IHO1: variants seen among roughly 807,000 people sequenced by gnomAD.
The protein encoded by IHO1 is interactor of HORMAD1 protein 1.
Under a neutral mutation model 31.0 loss-of-function variants are expected in IHO1, and 13 were observed. The observed-to-expected ratio is 0.42, with a 90% CI of 0.27 to 0.67. The LOEUF is 0.67. IHO1 is among the 30% of genes least tolerant of loss of function. The pLI is 0.24. For missense variants in IHO1, 599 were observed against 687.5 expected (o/e 0.87, Z 1.44); for synonymous variants, 221 against 248.4 (o/e 0.89, Z 1.04).
chr3:49,236,015 C>T (rs372409064), intron 2 of IHO1, among the ~76,000 whole-genome samples: 7 of 150,624 alleles, frequency 4.6e-5, no homozygotes, highest in African/African-American at 7.3e-5. Flanking sequence ...CTGAGATGGG[C>T]GAATCACCTG....
intron 6 of IHO1, among the ~76,000 whole-genome samples, chr3:49,252,878 C>T (rs1355388139): frequency 1.3e-5 from 2 of 151,850 alleles, no homozygotes; most frequent in East Asian, 1.9e-4. Context: ...CCTGTCTCTA[C>T]TAAAAATACA....
At chr3:49,207,232 T>C (rs2046150196) in intron 1 of IHO1, among the ~76,000 whole-genome samples, 1 of 151,622 alleles carries the variant, frequency 6.6e-6, no homozygotes, top group South Asian at 2.1e-4. Flanking sequence ...TCGGAGCATT[T>C]TTTTCTTTCT....
intron 1 of IHO1, among the ~76,000 whole-genome samples, chr3:49,200,836 A>T (rs1056833043): frequency 1.3e-5 from 2 of 152,098 alleles, no homozygotes; most frequent in African/African-American, 2.4e-5. Flanking sequence ...CTTCAAGGAG[A>T]GCTTTAGAGA....
At chr3:49,227,810 A>G (rs146840382) in intron 2 of IHO1, among the ~76,000 whole-genome samples, 1 of 152,276 alleles carries the variant, frequency 6.6e-6, no homozygotes, top group Non-Finnish European at 1.5e-5. Context: ...CCTCACTTGA[A>G]TAGGAAGGAT....
chr3:49,230,547 C>T (rs976355634), intron 2 of IHO1, among the ~76,000 whole-genome samples: 3 of 152,128 alleles, frequency 2.0e-5, no homozygotes, highest in Non-Finnish European at 2.9e-5. Context: ...GCAATTGAAC[C>T]TACTTGTAAA....
At chr3:49,244,517 T>G in intron 5 of IHO1, 65 bp downstream of exon 5, 1 of 1,298,360 alleles carries the variant, frequency 7.7e-7, no homozygotes, top group Non-Finnish European at 1.1e-6. Context: ...ATATTTATAT[T>G]GTATTGGCTT....
In IHO1 at chr3:49,210,026, TTTC is replaced by T. The variant is rs1284923723; in HGVS notation, c.-15-1737_-15-1735del. 1.8e-3 allele frequency among the ~76,000 whole-genome samples: 272 copies of T among 148,694 alleles called. 7 individuals are homozygous for T. The highest frequency in any genetic ancestry group is 6.6e-3 in the African/African-American group (262 of 39,646). ...CCACCGCACCCAGCCTCTTTCTTTC[TTTC>T]TTTTTTTTTTTTTTTAAGAGACAGG... On this transcript the variant is annotated intron_variant, in intron 1 of 7. Transcript: ENST00000452691.
chr3:49,229,878 C>T (rs573626384), intron 2 of IHO1, among the ~76,000 whole-genome samples: 27 of 152,140 alleles, frequency 1.8e-4, no homozygotes, highest in East Asian at 5.8e-4. Context: ...TTTATTACAA[C>T]GATGGGGAGC....
intron 2 of IHO1, among the ~76,000 whole-genome samples, chr3:49,214,918 GCATGAGACACCACGC>G (rs1247078714): frequency 1.3e-5 from 2 of 151,672 alleles, no homozygotes; most frequent in Non-Finnish European, 2.9e-5. Flanking sequence ...GGGATTACAG[GCATGAGACACCACGC>G]CCAGCAAATC....
chr3:49,216,774 A>G (rs2046291711), intron 2 of IHO1, among the ~76,000 whole-genome samples: 1 of 152,248 alleles, frequency 6.6e-6, no homozygotes, highest in African/African-American at 2.4e-5. Context: ...CAGAATCTAC[A>G]AAGAAATTAA....
chr3:49,231,697 T>C (rs992488551), intron 2 of IHO1, among the ~76,000 whole-genome samples: 2 of 152,232 alleles, frequency 1.3e-5, no homozygotes, highest in African/African-American at 4.8e-5. Flanking sequence ...ATATTAGGGC[T>C]CATATGCCTC....
intron 4 of IHO1, among the ~76,000 whole-genome samples, chr3:49,244,201 C>T (rs979169297): frequency 3.3e-5 from 5 of 152,042 alleles, no homozygotes; most frequent in Admixed American, 1.3e-4. Context: ...GATCCACCTG[C>T]CTTAGCCTCC....
chr3:49,257,240 C>G lies in IHO1; in HGVS notation c.1743C>G (p.Leu581=). The part of the protein sequence containing the change: ...PLCKEAGKNL[L]YDLGFDSSDD... ...GCAAGGAGGCAGGAAAGAATTTGCT[C>G]TATGACCTGGGTTTTGATAGCAGTG... is the stretch of plus-strand genomic sequence containing the variant. Residue 581 remains leucine, a synonymous_variant, in exon 8 of 8, where the codon CTC becomes CTG. Coordinates refer to ENST00000452691, the MANE Select transcript of IHO1 (RefSeq NM_001135197.2). The G allele has an allele frequency of 6.2e-7, 1 of 1,614,144 alleles. No individual in the cohort carries two copies. The highest frequency in any genetic ancestry group is 1.6e-4 in the Middle Eastern group (1 of 6,062).
intron 1 of IHO1, among the ~76,000 whole-genome samples, chr3:49,211,365 A>G (rs1002940516): frequency 6.6e-6 from 1 of 152,044 alleles, no homozygotes; most frequent in African/African-American, 2.4e-5. Flanking sequence ...CCTCATATAG[A>G]TATTGTATAT....
chr3:49,213,832 C>T (rs557318312), intron 2 of IHO1: 5 of 193,304 alleles, frequency 2.6e-5, no homozygotes, highest in African/African-American at 7.0e-5. Context: ...CATCACACCT[C>T]CCTGCAAGCA....
upstream of IHO1, among the ~76,000 whole-genome samples, chr3:49,197,599 G>A (rs1329888306): frequency 6.6e-6 from 1 of 152,108 alleles, no homozygotes; most frequent in Admixed American, 6.5e-5. Flanking sequence ...ATATGGCCAG[G>A]CGTGGTGGCT....
intron 2 of IHO1, among the ~76,000 whole-genome samples, chr3:49,234,309 A>C (rs540832856): frequency 1.3e-3 from 195 of 151,448 alleles, no homozygotes; most frequent in African/African-American, 4.4e-3. Flanking sequence ...ATTAGGTGGG[A>C]CTGTACAGGC....
At chr3:49,235,417 A>G (rs1250130210) in intron 2 of IHO1, among the ~76,000 whole-genome samples, 1 of 149,596 alleles carries the variant, frequency 6.7e-6, no homozygotes, top group Non-Finnish European at 1.5e-5. Flanking sequence ...TTTAGTAGAG[A>G]TGGGGTTTCA....
chr3:49,215,223 G>C (rs902379617), intron 2 of IHO1, among the ~76,000 whole-genome samples: 1 of 151,708 alleles, frequency 6.6e-6, no homozygotes, highest in African/African-American at 2.4e-5. Context: ...GCTAATTTTT[G>C]TTTTTTTGTA....
Sources: allele counts gnomAD v4.1 joint callset (sites outside exome capture counted in the v4.1 genomes callset), GRCh38; gene constraint gnomAD v4.1.1; transcripts MANE v1.5; gene names NCBI Gene and HGNC (gene_info 2026-07-23, HGNC 2026-07-21).